TRPM3: variants seen among roughly 807,000 people sequenced by gnomAD.
The protein encoded by TRPM3 is transient receptor potential cation channel subfamily M member 3.
A neutral mutation model predicts 181.2 loss-of-function variants in TRPM3; 77 were observed. That is an observed-to-expected ratio of 0.42 (90% CI 0.35 to 0.51). The LOEUF is 0.51. Among genes scored for constraint, TRPM3 ranks in the 20% least tolerant of loss-of-function variants. The pLI is 0.01. For missense variants in TRPM3, 1,759 were observed against 2,196.7 expected, an observed-to-expected ratio of 0.80 and a Z score of 3.98; for synonymous variants, 745 against 796.4, an observed-to-expected ratio of 0.94 and a Z score of 1.09.
At chr9:70,825,333 A>G (rs1009227665) in intron 6 of TRPM3, 1 of 151,932 alleles carries the variant, frequency 6.6e-6, no homozygotes, top group African/African-American at 2.4e-5. Flanking sequence ...GGCTTTTATA[A>G]CTCTCCTCTT....
intron 1 of TRPM3, among the ~76,000 whole-genome samples, chr9:70,979,120 A>G (rs912113629): frequency 2.6e-5 from 4 of 152,148 alleles, no homozygotes; most frequent in African/African-American, 9.7e-5. Flanking sequence ...TGACAGGTCA[A>G]TTTATATACA....
rs913787367 is a variant in TRPM3 at position 70,761,604 on chromosome 9, T to C, written c.1269A>G (p.Glu423=). The change falls in exon 8 of 26, where the codon GAA becomes GAG. Residue 423 remains glutamate, a synonymous_variant. Coordinates refer to ENST00000677713, the MANE Select transcript of TRPM3 (RefSeq NM_001366145.2). ...IILMECMKKK[E]LITVFRMGSE... is the part of the protein sequence containing the mutation. ...CCACCCATGCGGAATTACCTACCAA[T>C]TCCTTCTTCTTCATGCACTCCATGA... The C allele has an allele frequency of 1.2e-6, 2 of 1,613,990 alleles. No individual in the cohort carries two copies. Among genetic ancestry groups the C allele is most frequent in the South Asian group, 2.2e-5 (2 of 91,082 alleles).
At chr9:71,083,995 T>C (rs1302350599) in intron 1 of TRPM3, among the ~76,000 whole-genome samples, 1 of 151,922 alleles carries the variant, frequency 6.6e-6, no homozygotes, top group Admixed American at 6.6e-5. Flanking sequence ...TATCTTAGCA[T>C]TGAAATCTTG....
intron 8 of TRPM3, among the ~76,000 whole-genome samples, chr9:70,742,080 A>G (rs2074236484): frequency 6.6e-6 from 1 of 152,146 alleles, no homozygotes; most frequent in Non-Finnish European, 1.5e-5. Flanking sequence ...AATTTCTGAA[A>G]AGTTATGACC....
At chr9:70,568,545 C>A (rs990366605) in intron 22 of TRPM3, among the ~76,000 whole-genome samples, 3 of 152,144 alleles carry the variant, frequency 2.0e-5, no homozygotes, top group Non-Finnish European at 2.9e-5. Context: ...AATTGCTATA[C>A]CCCAGGCATT....
intron 1 of TRPM3, among the ~76,000 whole-genome samples, chr9:70,962,032 G>T (rs2097140961): frequency 6.6e-6 from 1 of 152,118 alleles, no homozygotes; most frequent in Non-Finnish European, 1.5e-5. Flanking sequence ...ATGATAGGAA[G>T]GAAATGGTAG....
At chr9:70,815,913 G>A (rs1423219204) in intron 6 of TRPM3, among the ~76,000 whole-genome samples, 1 of 152,128 alleles carries the variant, frequency 6.6e-6, no homozygotes, top group Non-Finnish European at 1.5e-5. Context: ...GCCAGAAGCT[G>A]AGCCAAGAAA....
chr9:70,980,066 T>TACACAC (rs1564893874), intron 1 of TRPM3, among the ~76,000 whole-genome samples: 3 of 6,658 alleles, frequency 4.5e-4, no homozygotes, highest in African/African-American at 1.6e-3. Flanking sequence ...TGCATGTGCG[T>TACACAC]GCACACACAC....
chr9:70,887,461 G>C (rs958304730), intron 1 of TRPM3, among the ~76,000 whole-genome samples: 18 of 152,098 alleles, frequency 1.2e-4, no homozygotes, highest in African/African-American at 4.3e-4. Context: ...CATTTTAAGA[G>C]CTTATTGGAA....
chr9:71,156,376 G>GACACACACACACACAC (rs71507025), intron 1 of TRPM3, among the ~76,000 whole-genome samples: 4 of 138,370 alleles, frequency 2.9e-5, no homozygotes, highest in East Asian at 4.4e-4. Flanking sequence ...ATATACTACA[G>GACACACACACACACAC]ACACACACAC....
chr9:71,259,244 A>T (rs139046855), intron 1 of TRPM3, among the ~76,000 whole-genome samples: 2 of 152,176 alleles, frequency 1.3e-5, no homozygotes, highest in Non-Finnish European at 2.9e-5. Context: ...TTATGGCTGC[A>T]TAGTATTTCA....
rs79978828 is a variant in TRPM3, at chr9:71,055,972, A to G, written c.177+65206T>C. ...ACCTACCATGTATTGGGCACCTGCT[A>G]TATATCAGGCCGTGTATAAAGTATT... On this transcript the variant is annotated intron_variant, in intron 1 of 25. Transcript: ENST00000677713. Among the ~76,000 whole-genome samples, 750 of 152,112 alleles carry G rather than the reference A, an allele frequency of 4.9e-3. 18 individuals carry two copies. The East Asian group carries it at 0.078, about 16-fold the overall frequency.
At chr9:71,259,482 G>T (rs1448789661) in intron 1 of TRPM3, among the ~76,000 whole-genome samples, 2 of 152,110 alleles carry the variant, frequency 1.3e-5, no homozygotes, top group African/African-American at 4.8e-5. Flanking sequence ...CTCCCACAAT[G>T]GTTGAACTAA....
chr9:70,577,264 A>C (rs1474267911), intron 22 of TRPM3, among the ~76,000 whole-genome samples: 1 of 152,246 alleles, frequency 6.6e-6, no homozygotes, highest in Non-Finnish European at 1.5e-5. Context: ...CAGGCACTGC[A>C]GTGAGGTATA....
chr9:70,682,818 C>T (rs1194173709), intron 8 of TRPM3, among the ~76,000 whole-genome samples: 1 of 152,122 alleles, frequency 6.6e-6, no homozygotes, highest in Non-Finnish European at 1.5e-5. Flanking sequence ...CTGTTTCATG[C>T]CTCGAGCTTA....
At chr9:70,803,441 C>T (rs548028622) in intron 6 of TRPM3, among the ~76,000 whole-genome samples, 42 of 144,004 alleles carry the variant, frequency 2.9e-4, no homozygotes, top group Non-Finnish European at 3.1e-4. Flanking sequence ...CCACCGCCAC[C>T]GTTTTTGTTG....
chr9:71,213,349 A>C (rs1177252268), intron 1 of TRPM3, among the ~76,000 whole-genome samples: 1 of 152,224 alleles, frequency 6.6e-6, no homozygotes, highest in African/African-American at 2.4e-5. Context: ...GCTCTAAAAA[A>C]ACAGCAGGCT....
chr9:70,805,534 G>GAAAAAAAA (rs534322844), intron 6 of TRPM3, among the ~76,000 whole-genome samples: 1 of 82,696 alleles, frequency 1.2e-5, no homozygotes, highest in African/African-American at 3.3e-5. Flanking sequence ...ACTCCATCTC[G>GAAAAAAAA]AAAAAAAAAA....
At chr9:71,161,914 A>C (rs2076289001) in intron 1 of TRPM3, among the ~76,000 whole-genome samples, 1 of 152,066 alleles carries the variant, frequency 6.6e-6, no homozygotes, top group Non-Finnish European at 1.5e-5. Context: ...ATTAAAAGTA[A>C]ATAGCAGCCG....
Sources: gnomAD v4.1 joint callset for allele counts (sites outside exome capture counted in the v4.1 genomes callset) on GRCh38, gnomAD v4.1.1 for gene constraint, MANE v1.5 for transcripts, NCBI Gene and HGNC (gene_info 2026-07-23, HGNC 2026-07-21) for gene names.